DPY30: variants seen among roughly 807,000 people sequenced by gnomAD.
DPY30 encodes the protein dpy-30 histone methyltransferase complex regulatory subunit, also known as protein dpy-30 homolog.
Under a neutral mutation model 16.2 loss-of-function variants are expected in DPY30, and 6 were observed. That is an observed-to-expected ratio of 0.37 (90% CI 0.20 to 0.73). The LOEUF (loss-of-function observed/expected upper bound fraction) is 0.73, where lower values mean the gene tolerates loss of function less well. Ranked by LOEUF, DPY30 falls within the 30% of genes least tolerant of loss-of-function variation. The probability of loss-of-function intolerance (pLI) is 0.51; values close to 1 mark genes in which losing one functional copy is unlikely to be tolerated. For missense variants in DPY30, 73 were observed against 113.1 expected, an observed-to-expected ratio of 0.65 and a Z score of 1.61; for synonymous variants, 39 against 38.8, an observed-to-expected ratio of 1.00 and a Z score of -0.02.
At chr2:32,035,585 T>C (rs1337132530) in intron 3 of DPY30, among the ~76,000 whole-genome samples, 2 of 149,174 alleles carry the variant, frequency 1.3e-5, no homozygotes, top group African/African-American at 2.5e-5. Flanking sequence ...CAAGATTTCA[T>C]CTTATTAAAA....
At chr2:32,038,125 C>CATT (rs1435327164) in intron 3 of DPY30, among the ~76,000 whole-genome samples, 1 of 140,696 alleles carries the variant, frequency 7.1e-6, no homozygotes, top group Non-Finnish European at 1.5e-5. Context: ...TTGTATTGCT[C>CATT]ATTTTCTTTC....
Position 32,024,202 on chromosome 2 carries a change from C to G in DPY30, c.282G>C (p.Gln94His), listed in dbSNP as rs1488119261. 2 of 1,612,568 alleles carry G rather than the reference C, an allele frequency of 1.2e-6. No individual in the cohort carries two copies. The highest frequency in any genetic ancestry group is 2.7e-5 in the African/African-American group (2 of 75,006). The change falls in exon 5 of 5, where the codon CAG becomes CAC. Residue 94 changes from glutamine to histidine, a missense_variant. Physicochemically the swap from Gln to His is conservative, Grantham distance 24. Around this residue, in one of 3 missense-constraint regions of DPY30, gnomAD observed 20 missense variants for 25.3 expected, o/e 0.79. Transcript: ENST00000342166. The stretch of plus-strand genomic sequence containing the variant: ...CATTAAGTCAGTTTCGATCTTCAAA[C>G]TGTGCCTTGTTTTTTAAAAGATAAG... ...LASYLLKNKA[Q>H]FEDRN
intron 3 of DPY30, among the ~76,000 whole-genome samples, chr2:32,037,243 G>T (rs1053944636): frequency 3.3e-5 from 5 of 152,134 alleles, no homozygotes; most frequent in Non-Finnish European, 5.9e-5. Flanking sequence ...TCCAGAAATG[G>T]TCAATATGTG....
At chr2:32,037,138 C>G (rs1159965120) in intron 3 of DPY30, among the ~76,000 whole-genome samples, 1 of 152,128 alleles carries the variant, frequency 6.6e-6, no homozygotes, top group Non-Finnish European at 1.5e-5. Flanking sequence ...CGGATGTGAA[C>G]TACAAGAAAT....
At chr2:32,014,673 T>C (rs1675030370) in intron 5 of DPY30, among the ~76,000 whole-genome samples, 1 of 151,846 alleles carries the variant, frequency 6.6e-6, no homozygotes, top group Non-Finnish European at 1.5e-5. Flanking sequence ...TTAGTAGAGA[T>C]GGGGTTTCAC....
chr2:32,039,291 T>C lies in DPY30; in HGVS notation c.72A>G (p.Thr24=). Residue 24 remains threonine (T), a synonymous_variant, in exon 3 of 5, where the codon ACA becomes ACG. Coordinates refer to ENST00000342166, the MANE Select transcript of DPY30 (RefSeq NM_001321209.2). ...CTTGGCGAGTTACCTCAACGTTGTC[T>C]GTGAGACCGTACTCAGAGTGAGGAT... ...AENPHSEYGL[T]DNVERIVENE... is the part of the protein sequence containing the mutation. 2.5e-6 allele frequency: 4 copies of C among 1,614,200 alleles called. No homozygotes were observed. Among genetic ancestry groups the C allele is most frequent in the Non-Finnish European group, 3.4e-6 (4 of 1,180,042 alleles).
downstream of DPY30, among the ~76,000 whole-genome samples, chr2:32,018,998 C>G (rs1675114121): frequency 6.6e-6 from 1 of 151,860 alleles, no homozygotes; most frequent in East Asian, 2.0e-4. Flanking sequence ...TACACTCCAA[C>G]CTGGGTGATG....
At chr2:32,023,477 G>A, downstream of DPY30, 1 of 474,264 alleles carries the variant, frequency 2.1e-6, no homozygotes, top group South Asian at 1.5e-5. Context: ...TTCCTCATCT[G>A]CAAAATGGGA....
Position 32,025,635 on chromosome 2 carries a change from G to A in DPY30, c.228-1379C>T, listed in dbSNP as rs144032432. 6.0e-3 allele frequency among the ~76,000 whole-genome samples: 905 copies of A among 151,626 alleles called. 22 individuals are homozygous for A. Among genetic ancestry groups the A allele is most frequent in the East Asian group, 0.044 (226 of 5,154 alleles). ...AAATTAGCCGGGCGTGGTAGTGCAT[G>A]CCTGTAGTCCCAGCTACTCAGGAGG... On this transcript the variant is annotated intron_variant, in intron 4 of 4. Coordinates refer to ENST00000342166, the MANE Select transcript of DPY30 (RefSeq NM_001321209.2).
At chr2:32,029,796 T>C (rs1675465704) in intron 3 of DPY30, 60 bp from the exon 4 acceptor site, 1 of 1,570,238 alleles carries the variant, frequency 6.4e-7, no homozygotes, top group Non-Finnish European at 8.8e-7. Context: ...TTTTGAGTGC[T>C]AAACAAAACT....
At chr2:32,021,152 C>G (rs1373634219), downstream of DPY30, 1 of 152,218 alleles carries the variant, frequency 6.6e-6, no homozygotes, top group African/African-American at 2.4e-5. Context: ...GCCTGTAGTC[C>G]TAACTACTAG....
chr2:32,014,177 C>T (rs1013326725), intron 5 of DPY30, among the ~76,000 whole-genome samples: 6 of 151,908 alleles, frequency 3.9e-5, no homozygotes, highest in East Asian at 1.9e-4. Flanking sequence ...GATATACATA[C>T]GCACCCATTA....
At chr2:32,028,008 C>A (rs1177475415) in intron 4 of DPY30, among the ~76,000 whole-genome samples, 1 of 151,938 alleles carries the variant, frequency 6.6e-6, no homozygotes, top group Non-Finnish European at 1.5e-5. Flanking sequence ...ACAAATATAG[C>A]CATCAAAAAC....
At chr2:32,014,463 G>A (rs1675025318) in intron 5 of DPY30, among the ~76,000 whole-genome samples, 1 of 152,030 alleles carries the variant, frequency 6.6e-6, no homozygotes, top group African/African-American at 2.4e-5. Flanking sequence ...ACTCCAGGCT[G>A]GGCAACACAG....
intron 5 of DPY30, among the ~76,000 whole-genome samples, chr2:32,014,541 T>C (rs1675026730): frequency 6.6e-6 from 1 of 151,070 alleles, no homozygotes; most frequent in South Asian, 2.1e-4. Context: ...TGGAGTGCAG[T>C]GGTGCGGTCT....
At chr2:32,035,307 TAAAC>T (rs911929977) in intron 3 of DPY30, among the ~76,000 whole-genome samples, 2 of 151,426 alleles carry the variant, frequency 1.3e-5, no homozygotes, top group African/African-American at 4.9e-5. Flanking sequence ...AATAAATAAA[TAAAC>T]AAAAACATTT....
intron 5 of DPY30, among the ~76,000 whole-genome samples, chr2:32,014,131 C>T (rs1675019624): frequency 6.6e-6 from 1 of 152,146 alleles, no homozygotes; most frequent in African/African-American, 2.4e-5. Context: ...CTAGAAACAA[C>T]CACAATGTCC....
At chr2:32,031,790 G>T (rs1365591568) in intron 3 of DPY30, among the ~76,000 whole-genome samples, 2 of 150,946 alleles carry the variant, frequency 1.3e-5, no homozygotes, top group East Asian at 3.9e-4. Flanking sequence ...CTACTCAGGA[G>T]GCTGAGGCAG....
At chr2:32,018,408 A>G (rs1297956777) in intron 5 of DPY30, among the ~76,000 whole-genome samples, 1 of 152,134 alleles carries the variant, frequency 6.6e-6, no homozygotes, top group Non-Finnish European at 1.5e-5. Context: ...AAATTACCAA[A>G]TTCATATAGA....
Sources: allele counts gnomAD v4.1 joint callset (sites outside exome capture counted in the v4.1 genomes callset), GRCh38; gene constraint gnomAD v4.1.1; regional missense constraint gnomAD v4.1.1; transcripts MANE v1.5; gene names NCBI Gene and HGNC (gene_info 2026-07-23, HGNC 2026-07-21).